Variants in DNAJC11 observed in about 807,000 individuals in gnomAD.
DNAJC11 encodes dnaJ homolog subfamily C member 11.
DNAJC11 carries 15 observed loss-of-function variants against 78.6 expected under a neutral mutation model. The ratio of observed to expected loss-of-function variants is 0.19; its 90% confidence interval spans 0.13 to 0.29. The LOEUF (loss-of-function observed/expected upper bound fraction) is 0.29, where lower values mean the gene tolerates loss of function less well. Among genes scored for constraint, DNAJC11 ranks in the 10% least tolerant of loss-of-function variants. The probability of loss-of-function intolerance (pLI) is 1.00; values close to 1 mark genes in which losing one functional copy is unlikely to be tolerated. For synonymous variants in DNAJC11, 292 were observed against 272.1 expected (o/e 1.07, Z -0.72); for missense variants, 547 against 709.6 (o/e 0.77, Z 2.60).
At chr1:6,676,105 C>G (rs1269330168) in intron 3 of DNAJC11, among the ~76,000 whole-genome samples, 1 of 152,160 alleles carries the variant, frequency 6.6e-6, no homozygotes, top group African/African-American at 2.4e-5. Context: ...ACCAATGTGA[C>G]AGGAAGCACT....
At chr1:6,651,717 AG>A in intron 6 of DNAJC11, 115 bp from the exon 7 acceptor site, 2 of 772,824 alleles carry the variant, frequency 2.6e-6, no homozygotes, top group South Asian at 1.7e-5. Flanking sequence ...TGGTCTTGCC[AG>A]GGCTCTAAAA....
At position 6,680,785 on chromosome 1, in the gene DNAJC11, A is replaced by G. The variant is rs1440623392; in HGVS notation, c.202+123T>C. 1 of 1,251,742 alleles carries G rather than the reference A, an allele frequency of 8.0e-7. No homozygotes were observed. 77.5% of individuals were successfully genotyped at this position (1,251,742 alleles called of 1,614,324 possible). On this transcript the variant is annotated intron_variant, in intron 2 of 15. Coordinates refer to ENST00000377577, the MANE Select transcript of DNAJC11 (RefSeq NM_018198.4). This position sits in a 1 kb window ranked among gnomAD's most constrained non-coding sequence, Gnocchi z 4.0. ...AAGGACCCTGTCAGTGAAAAGTACT[A>G]AACTAACCACCTGTTTTATATACCT...
rs1641949471 is a variant in DNAJC11 at position 6,645,399 on chromosome 1, G to A, written c.895-273C>T. Among the ~76,000 whole-genome samples, 1 of 152,246 alleles carries A rather than the reference G, an allele frequency of 6.6e-6. No individual in the cohort carries two copies. The highest frequency in any genetic ancestry group is 1.5e-5 in the Non-Finnish European group (1 of 68,030). On this transcript the variant is annotated intron_variant, in intron 8 of 15. Transcript: ENST00000377577. The surrounding 1 kb of genome is among the most constrained non-coding windows in gnomAD (Gnocchi z 4.1). ...CCTATGCTCCTAGGTGGCAGCGGCT[G>A]GTGAGAGCCAAGGAGCAGTGGCCCG...
At chr1:6,674,543 G>C (rs1022215825) in intron 3 of DNAJC11, among the ~76,000 whole-genome samples, 1 of 152,038 alleles carries the variant, frequency 6.6e-6, no homozygotes, top group African/African-American at 2.4e-5. Flanking sequence ...CTGGGCAACA[G>C]AGCAAGACTC....
rs763333816 is a variant in DNAJC11 at position 6,637,500 on chromosome 1, C to T, written c.1328G>A (p.Arg443Gln). 1.4e-5 allele frequency: 22 copies of T among 1,614,064 alleles called. No individual in the cohort carries two copies. Among genetic ancestry groups the T allele is most frequent in the East Asian group, 1.3e-4 (6 of 44,896 alleles). Residue 443 changes from arginine to glutamine, a missense_variant, in exon 13 of 16, where the codon CGG becomes CAG. Transcript: ENST00000377577. ...QKKQEAESAVRLMQESVRRII... is the reference protein window; with the variant it reads ...QKKQEAESAVQLMQESVRRII... ...CCTTCGGACAGATTCCTGCATCAGC[C>T]GGACCTGCCAGAGAACAAGGATGAC...
chr1:6,657,986 T>C (rs547331109), intron 4 of DNAJC11, among the ~76,000 whole-genome samples: 30 of 152,098 alleles, frequency 2.0e-4, no homozygotes, highest in African/African-American at 7.2e-4. Context: ...AATAGGTTTA[T>C]CAGCTAACTT....
intron 1 of DNAJC11, among the ~76,000 whole-genome samples, chr1:6,699,194 C>T (rs1642886300): frequency 6.6e-6 from 1 of 150,932 alleles, no homozygotes; most frequent in Non-Finnish European, 1.5e-5. Context: ...TAGCTACTAG[C>T]GAGTCTGAGG....
rs1033308778 is a variant in DNAJC11 at position 6,645,184 on chromosome 1, T to C, written c.895-58A>G. On this transcript the variant is annotated intron_variant, in intron 8 of 15. Transcript: ENST00000377577. The surrounding 1 kb of genome is among the most constrained non-coding windows in gnomAD (Gnocchi z 4.1). Reference sequence around the variant, plus strand: ...TAGGGCGTGTGACTCTGTGGGGAGATGGGTATCTGCCCTCCCACTAGCTCT... The same window carrying C: ...TAGGGCGTGTGACTCTGTGGGGAGACGGGTATCTGCCCTCCCACTAGCTCT... 1.0e-5 allele frequency: 14 copies of C among 1,386,646 alleles called. No individual in the cohort carries two copies. Among genetic ancestry groups the C allele is most frequent in the Middle Eastern group, 2.3e-4 (1 of 4,444 alleles). The allele number at this position is 1,386,646 out of a possible 1,614,324, so 85.9% of individuals were successfully genotyped here. A position where few individuals can be genotyped will look rare whatever the true frequency, so the allele number is the denominator to read the frequency against.
At chr1:6,649,704 ATAAC>A (rs770958452) in intron 7 of DNAJC11, among the ~76,000 whole-genome samples, 60 of 151,852 alleles carry the variant, frequency 4.0e-4, no homozygotes, top group Non-Finnish European at 6.8e-4. Flanking sequence ...TGGAAGTGTA[ATAAC>A]TAACTTTTTT....
rs764471209 is a variant in DNAJC11 at position 6,653,991 on chromosome 1, C to G, written c.427G>C (p.Asp143His). The change falls in exon 5 of 16, where the codon GAT becomes CAT. Residue 143 changes from aspartate to histidine, a missense_variant. Asp to His is a moderately conservative substitution (Grantham distance 81, BLOSUM62 -1). Coordinates refer to ENST00000377577, the MANE Select transcript of DNAJC11 (RefSeq NM_018198.4). The surrounding 1 kb of genome is among the most constrained non-coding windows in gnomAD (Gnocchi z 4.5). Reference sequence around the variant, plus strand: ...CCGGACACATCTTCATACTCCTCATCATAGCGATCAAAAAGGTCGGTGGCA... The same window carrying G: ...CCGGACACATCTTCATACTCCTCATGATAGCGATCAAAAAGGTCGGTGGCA... ...VDATDLFDRYDEEYEDVSGSS... is the reference protein window; with the variant it reads ...VDATDLFDRYHEEYEDVSGSS... 1.3e-5 allele frequency: 21 copies of G among 1,613,700 alleles called. No homozygotes were observed. Among genetic ancestry groups the G allele is most frequent in the East Asian group, 4.5e-5 (2 of 44,882 alleles).
intron 4 of DNAJC11, among the ~76,000 whole-genome samples, chr1:6,655,697 T>C (rs1642115842): frequency 1.3e-5 from 2 of 152,160 alleles, no homozygotes; most frequent in African/African-American, 4.8e-5. Context: ...ACGTCCCAGC[T>C]ACTCTAGAGG....
chr1:6,677,186 A>T, intron 3 of DNAJC11, among the ~76,000 whole-genome samples: 1 of 151,160 alleles, frequency 6.6e-6, no homozygotes. Context: ...AAAAAAAACG[A>T]AGGAACTTCA....
At chr1:6,690,295 G>GA (rs1462598000) in intron 1 of DNAJC11, among the ~76,000 whole-genome samples, 1 of 152,154 alleles carries the variant, frequency 6.6e-6, no homozygotes, top group Non-Finnish European at 1.5e-5. Flanking sequence ...GACACTAATA[G>GA]AAATACACGG....
chr1:6,698,774 TCTACAAAAA>T (rs1381390006), intron 1 of DNAJC11, among the ~76,000 whole-genome samples: 2 of 150,984 alleles, frequency 1.3e-5, no homozygotes, highest in East Asian at 2.0e-4. Context: ...AGACCCTGTC[TCTACAAAAA>T]CTACAAAAAT....
At chr1:6,637,633 G>T in intron 12 of DNAJC11, 129 bp from the exon 13 acceptor site, 1 of 1,038,026 alleles carries the variant, frequency 9.6e-7, no homozygotes, top group Non-Finnish European at 1.5e-6. Context: ...GAAGGGAGTG[G>T]GCACCCTGAC....
At chr1:6,693,473 TC>T (rs1245964169) in intron 1 of DNAJC11, among the ~76,000 whole-genome samples, 1 of 152,102 alleles carries the variant, frequency 6.6e-6, no homozygotes, top group Non-Finnish European at 1.5e-5. Flanking sequence ...AAACTCCATC[TC>T]CCGGGTTCAA....
At chr1:6,644,143 T>G (rs1167555391) in intron 10 of DNAJC11, among the ~76,000 whole-genome samples, 1 of 151,922 alleles carries the variant, frequency 6.6e-6, no homozygotes, top group African/African-American at 2.4e-5. Context: ...TTTTTTTATA[T>G]TTTTTGAGAC....
chr1:6,634,554 C>G lies in DNAJC11; in HGVS notation c.*1121G>C, dbSNP rs768155061. 3.7e-6 allele frequency: 5 copies of G among 1,365,044 alleles called. No homozygotes were observed. Among genetic ancestry groups the G allele is most frequent in the Non-Finnish European group, 3.9e-6 (4 of 1,021,504 alleles). The allele number at this position is 1,365,044 out of a possible 1,614,324, so 84.6% of individuals were successfully genotyped here. On this transcript the variant is annotated 3_prime_UTR_variant, in exon 16 of 16. Transcript: ENST00000377577. ...GCCACCACCTGTGCGGCGCTTGCTC[C>G]GAGGGGTCAGCAAGAGCAACTGATG...
At chr1:6,652,742 T>G (rs1570277024) in intron 6 of DNAJC11, 87 bp downstream of exon 6, 22 of 1,557,276 alleles carry the variant, frequency 1.4e-5, no homozygotes, top group Non-Finnish European at 1.7e-5. Context: ...GCCCCCAGGG[T>G]GAGTTTGAGG....
Sources: gnomAD v4.1 joint callset for allele counts (sites outside exome capture counted in the v4.1 genomes callset) on GRCh38, gnomAD v4.1.1 for gene constraint, Gnocchi (gnomAD v3.1) non-coding constraint, MANE v1.5 for transcripts, NCBI Gene and HGNC (gene_info 2026-07-23, HGNC 2026-07-21) for gene names.